The following DOCK4 variants were observed in gnomAD, a reference collection of about 807,000 sequenced individuals.
The protein encoded by DOCK4 is dedicator of cytokinesis 4.
Under a neutral mutation model 268.1 loss-of-function variants are expected in DOCK4, and 97 were observed. The ratio of observed to expected loss-of-function variants is 0.36; its 90% CI spans 0.31 to 0.43. The LOEUF (loss-of-function observed/expected upper bound fraction) is 0.43, where lower values mean the gene tolerates loss of function less well. Among genes scored for constraint, DOCK4 ranks in the 20% least tolerant of loss-of-function variants. The pLI is 1.00. For missense variants in DOCK4, 2,145 were observed against 2,455.7 expected, an observed-to-expected ratio of 0.87 and a Z score of 2.67; for synonymous variants, 954 against 887.2, an observed-to-expected ratio of 1.08 and a Z score of -1.34.
chr7:112,168,555 A>G (rs1817802939), intron 1 of DOCK4, among the ~76,000 whole-genome samples: 1 of 152,164 alleles, frequency 6.6e-6, no homozygotes, highest in Admixed American at 6.5e-5. Flanking sequence ...AAATCAAAAA[A>G]TTAGCCAGGC....
At chr7:111,766,528 A>G (rs1797771387) in intron 38 of DOCK4, among the ~76,000 whole-genome samples, 1 of 152,182 alleles carries the variant, frequency 6.6e-6, no homozygotes, top group Admixed American at 6.5e-5. Context: ...TGGTTCAGAG[A>G]AACAGAATAC....
At chr7:111,801,474 T>C (rs372804697) in intron 30 of DOCK4, among the ~76,000 whole-genome samples, 1 of 152,152 alleles carries the variant, frequency 6.6e-6, no homozygotes, top group Non-Finnish European at 1.5e-5. Flanking sequence ...AACCCTGGTG[T>C]TCTTCCATTC....
chr7:112,108,926 A>G (rs1811378124), intron 1 of DOCK4, among the ~76,000 whole-genome samples: 2 of 152,124 alleles, frequency 1.3e-5, no homozygotes, highest in African/African-American at 4.8e-5. Context: ...AGGGACCAGG[A>G]TGTAAAGGTG....
rs1800479277 is a variant in DOCK4, at chr7:111,803,921, A to AAAAAAC, written c.3166+4899_3166+4900insGTTTTT. Among the ~76,000 whole-genome samples, 7 of 152,330 alleles carry AAAAAAC rather than the reference A, an allele frequency of 4.6e-5. No homozygotes were observed. In the South Asian group the frequency reaches 1.2e-3, roughly 27 times the overall value. On this transcript the variant is annotated intron_variant, in intron 30 of 52. Transcript: ENST00000428084. ...ATACCACCTCACACCCATTAGGATG[A>AAAAAAC]CTACTGTCAAAAAACCAGGAAATAA...
chr7:112,191,313 C>G (rs2116793722), intron 1 of DOCK4, among the ~76,000 whole-genome samples: 1 of 152,294 alleles, frequency 6.6e-6, no homozygotes, highest in South Asian at 2.1e-4. Context: ...CTCAAAGACG[C>G]ACACATTTAT....
At chr7:112,043,445 A>G (rs186008539) in intron 1 of DOCK4, among the ~76,000 whole-genome samples, 2 of 150,650 alleles carry the variant, frequency 1.3e-5, no homozygotes, top group East Asian at 2.1e-4. Flanking sequence ...ATGAGATGTT[A>G]CAGTGTAGAT....
chr7:112,035,322 GA>G (rs1411096010), intron 1 of DOCK4, among the ~76,000 whole-genome samples: 1 of 151,020 alleles, frequency 6.6e-6, no homozygotes, highest in East Asian at 1.9e-4. Flanking sequence ...ACTACAAAAA[GA>G]AAAAAAATCT....
At position 111,740,729 on chromosome 7, in the gene DOCK4, TAAAAAAAAAAAAA is replaced by T. The variant is rs59019816; in HGVS notation, c.5040+352_5040+364del. On this transcript the variant is annotated intron_variant, in intron 47 of 52. Transcript: ENST00000428084. Reference sequence around the variant, plus strand: ...GACTGGGAGACAGAGTGAGACTCGCTAAAAAAAAAAAAAAAAAAAAAAAAAAAAAAAGGCAAGC... The same window carrying T: ...GACTGGGAGACAGAGTGAGACTCGCTAAAAAAAAAAAAAAAAAAGGCAAGC... 1.4e-3 allele frequency among the ~76,000 whole-genome samples: 23 copies of T among 16,486 alleles called. 1 individual carries two copies. Among genetic ancestry groups the T allele is most frequent in the East Asian group, 3.0e-3 (1 of 332 alleles). 10.8% of individuals were successfully genotyped at this position (16,486 alleles called of 152,430 possible). A position where few individuals can be genotyped will look rare whatever the true frequency, so the allele number is the denominator to read the frequency against.
intron 1 of DOCK4, among the ~76,000 whole-genome samples, chr7:112,118,725 A>C (rs1415447291): frequency 3.3e-5 from 5 of 152,274 alleles, no homozygotes; most frequent in Non-Finnish European, 7.4e-5. Context: ...TCAATCTATG[A>C]ATGAAACAAG....
intron 1 of DOCK4, among the ~76,000 whole-genome samples, chr7:112,164,964 A>C (rs1396003907): frequency 6.6e-6 from 1 of 152,216 alleles, no homozygotes; most frequent in Non-Finnish European, 1.5e-5. Context: ...TATCTTTCTA[A>C]GAACTGGCAT....
At chr7:111,784,382 A>G (rs1224856489) in intron 32 of DOCK4, 6 of 653,068 alleles carry the variant, frequency 9.2e-6, no homozygotes, top group African/African-American at 7.1e-5. Context: ...ATATTTTCCT[A>G]CCTCTCAGTG....
At chr7:111,828,896 ATATATATATATG>A (rs1450483523) in intron 26 of DOCK4, among the ~76,000 whole-genome samples, 1 of 150,328 alleles carries the variant, frequency 6.7e-6, no homozygotes, top group Non-Finnish European at 1.5e-5. Flanking sequence ...GTGTATATAT[ATATATATATATG>A]TATATATATA....
At chr7:112,126,854 A>T (rs1410620458) in intron 1 of DOCK4, among the ~76,000 whole-genome samples, 2 of 152,150 alleles carry the variant, frequency 1.3e-5, no homozygotes, top group South Asian at 2.1e-4. Context: ...TCAAAACCAC[A>T]ATGAGATACC....
chr7:112,001,966 A>G (rs17159122), intron 2 of DOCK4, among the ~76,000 whole-genome samples: 4,624 of 152,200 alleles, frequency 0.03, 187 homozygotes, highest in East Asian at 0.19. Flanking sequence ...TATATATTGT[A>G]TTTTTTCAAG....
chr7:111,995,803 GC>G lies in DOCK4; in HGVS notation c.219-1573del, dbSNP rs1799913550. On this transcript the variant is annotated intron_variant, in intron 4 of 52. Transcript: ENST00000428084. ...GAGTTTCATCTCCTCATTTCGCAGT[GC>G]TGCTAAAATACTTGCCCTATGAATA... 2.6e-5 allele frequency among the ~76,000 whole-genome samples: 4 copies of G among 152,186 alleles called. No homozygotes were observed. The South Asian group carries it at 8.3e-4, about 32-fold the overall frequency.
intron 1 of DOCK4, among the ~76,000 whole-genome samples, chr7:112,072,964 T>C (rs940385991): frequency 3.3e-5 from 5 of 152,164 alleles, no homozygotes; most frequent in African/African-American, 1.2e-4. Context: ...CCACTGCGCA[T>C]GCAGACAGCC....
intron 1 of DOCK4, among the ~76,000 whole-genome samples, chr7:112,094,239 G>C (rs1245087720): frequency 6.6e-6 from 1 of 152,036 alleles, no homozygotes; most frequent in Non-Finnish European, 1.5e-5. Flanking sequence ...AACTACAATG[G>C]TATCAGGTCA....
chr7:111,931,924 T>A (rs952383008), intron 12 of DOCK4, among the ~76,000 whole-genome samples: 7 of 152,206 alleles, frequency 4.6e-5, no homozygotes, highest in Non-Finnish European at 1.5e-5. Context: ...GAAAAAGCTC[T>A]TAAATACTAC....
intron 42 of DOCK4, among the ~76,000 whole-genome samples, chr7:111,751,422 C>T (rs184715383): frequency 7.2e-5 from 11 of 152,056 alleles, no homozygotes; most frequent in Non-Finnish European, 1.0e-4. Flanking sequence ...AATCTGGATT[C>T]GAATAATAGA....
Sources: allele counts gnomAD v4.1 joint callset (sites outside exome capture counted in the v4.1 genomes callset), GRCh38; gene constraint gnomAD v4.1.1; transcripts MANE v1.5; gene names NCBI Gene and HGNC (gene_info 2026-07-23, HGNC 2026-07-21).